MMP20: variants seen among roughly 807,000 people sequenced by gnomAD.
MMP20 encodes the protein matrix metalloproteinase-20.
In MMP20, 50 loss-of-function variants were observed where a neutral mutation model predicts 51.8. The observed-to-expected ratio is 0.97, with a 90% CI of 0.77 to 1.22. The LOEUF is 1.22. MMP20 is among the 50% of genes most tolerant of loss of function. The pLI, the probability that MMP20 is intolerant of heterozygous loss-of-function variation, is 0.00. For missense variants in MMP20, 663 were observed against 601.4 expected (o/e 1.10, Z -1.07); for synonymous variants, 244 against 216.2 (o/e 1.13, Z -1.13).
intron 2 of MMP20, among the ~76,000 whole-genome samples, chr11:102,614,122 C>T (rs1291450629): frequency 6.6e-6 from 1 of 152,202 alleles, no homozygotes; most frequent in Admixed American, 6.5e-5. Context: ...ATCTAATCCT[C>T]ACTTCGACCC....
intron 8 of MMP20, among the ~76,000 whole-genome samples, chr11:102,587,866 T>C (rs1859272143): frequency 6.6e-6 from 1 of 152,168 alleles, no homozygotes; most frequent in South Asian, 2.1e-4. Flanking sequence ...GTAGACAGCA[T>C]ATAGGTGGGT....
intron 1 of MMP20, among the ~76,000 whole-genome samples, chr11:102,618,015 G>T (rs1379359552): frequency 6.6e-6 from 1 of 152,076 alleles, no homozygotes; most frequent in African/African-American, 2.4e-5. Context: ...ATATAAAATG[G>T]CATAATATTT....
rs192097713 is a variant in MMP20 at position 102,595,901 on chromosome 11, C to A, written c.954-1144G>T. ...ATTACTTCACAGGATTATTTGGGGACTGGGAAACTGTAATAAAATTTTGAC... is the reference window on the plus strand; with the variant it reads ...ATTACTTCACAGGATTATTTGGGGAATGGGAAACTGTAATAAAATTTTGAC... On this transcript the variant is annotated intron_variant, in intron 6 of 9. Transcript: ENST00000260228. Among the ~76,000 whole-genome samples the A allele has an allele frequency of 1.4e-3, 209 of 152,288 alleles. 1 individual carries two copies. Among genetic ancestry groups the A allele is most frequent in the Admixed American group, 2.0e-3 (31 of 15,298 alleles).
At position 102,608,919 on chromosome 11, in the gene MMP20, AG is replaced by A; in HGVS notation, c.811+17del. On this transcript the variant is annotated intron_variant, in intron 5 of 9. Coordinates refer to ENST00000260228, the MANE Select transcript of MMP20 (RefSeq NM_004771.4). ...TGCCAATTTCAGGGTGAGTCATCAAAGAAGGTAATAATCTTACCGTATAATG... is the reference window on the plus strand; with the variant it reads ...TGCCAATTTCAGGGTGAGTCATCAAAAAGGTAATAATCTTACCGTATAATG... 1.2e-6 allele frequency: 2 copies of A among 1,613,538 alleles called. No individual in the cohort carries two copies. Among genetic ancestry groups the A allele is most frequent in the South Asian group, 2.2e-5 (2 of 91,056 alleles).
In MMP20 at chr11:102,616,804, C is replaced by A; in HGVS notation, c.374+8G>T. On this transcript the variant is annotated splice_region_variant and intron_variant, in intron 2 of 9. Transcript: ENST00000260228. Reference sequence around the variant, plus strand: ...TTCTCTGAATTTGGAAAGACTTGATCTCATTACCTGTATGTCAAAGTATTT... The same window carrying A: ...TTCTCTGAATTTGGAAAGACTTGATATCATTACCTGTATGTCAAAGTATTT... 6.2e-7 allele frequency: 1 copy of A among 1,614,122 alleles called. No individual in the cohort carries two copies. Among genetic ancestry groups the A allele is most frequent in the South Asian group, 1.1e-5 (1 of 91,066 alleles).
intron 4 of MMP20, among the ~76,000 whole-genome samples, chr11:102,609,414 T>C (rs190918163): frequency 6.6e-6 from 1 of 152,298 alleles, no homozygotes; most frequent in East Asian, 1.9e-4. Context: ...TTGGCAATAA[T>C]TCATAAATTT....
At chr11:102,597,585 T>G (rs2135935698) in intron 6 of MMP20, among the ~76,000 whole-genome samples, 1 of 152,234 alleles carries the variant, frequency 6.6e-6, no homozygotes, top group African/African-American at 2.4e-5. Flanking sequence ...GGGATGCCAC[T>G]AAACATCCTA....
intron 6 of MMP20, among the ~76,000 whole-genome samples, chr11:102,599,437 G>T (rs1406119813): frequency 6.6e-6 from 1 of 152,182 alleles, no homozygotes; most frequent in African/African-American, 2.4e-5. Context: ...GTGTGACCTC[G>T]TGTGAGTCAT....
chr11:102,604,837 A>C (rs1254944182), intron 6 of MMP20, among the ~76,000 whole-genome samples: 1 of 152,240 alleles, frequency 6.6e-6, no homozygotes, highest in African/African-American at 2.4e-5. Context: ...AAAGTTTATA[A>C]ATCAACACCA....
chr11:102,607,323 C>T (rs1184891185), intron 5 of MMP20: 1 of 159,992 alleles, frequency 6.3e-6, no homozygotes, highest in Non-Finnish European at 1.4e-5. Context: ...CGAGAGCTAT[C>T]AGTGAGTCTC....
At chr11:102,613,766 T>G (rs1019919846) in intron 2 of MMP20, among the ~76,000 whole-genome samples, 2 of 152,140 alleles carry the variant, frequency 1.3e-5, no homozygotes, top group Non-Finnish European at 2.9e-5. Context: ...GCTATAGAAT[T>G]GAAGGGGGAT....
rs1294064157 is a variant in MMP20, at chr11:102,616,911, A to C, written c.275T>G (p.Met92Arg). The C allele has an allele frequency of 6.2e-7, 1 of 1,614,208 alleles. No individual in the cohort carries two copies. The highest frequency in any genetic ancestry group is 2.2e-5 in the East Asian group (1 of 44,890). The part of the protein sequence containing the change: ...QVTGKLDQTT[M>R]NVIKKPRCGV... ...ACAGCGAGGCTTCTTGATCACGTTC[A>C]TTGTGGTCTGGTCTAACTTCCCGGT... The change falls in exon 2 of 10, where the codon ATG becomes AGG. Residue 92 changes from methionine (M) to arginine (R), a missense_variant. Physicochemically the swap from Met to Arg is moderately conservative, Grantham distance 91. Coordinates refer to ENST00000260228, the MANE Select transcript of MMP20 (RefSeq NM_004771.4).
chr11:102,622,133 A>G (rs1859758880), intron 1 of MMP20, among the ~76,000 whole-genome samples: 1 of 152,250 alleles, frequency 6.6e-6, no homozygotes, highest in South Asian at 2.1e-4. Context: ...ACACAAGTGG[A>G]CATTAAATAA....
At chr11:102,594,332 G>C (rs1398416035) in intron 7 of MMP20, among the ~76,000 whole-genome samples, 1 of 152,232 alleles carries the variant, frequency 6.6e-6, no homozygotes, top group Non-Finnish European at 1.5e-5. Context: ...ACTCTGAGCA[G>C]AGGTCCTGTG....
At chr11:102,594,045 G>A (rs1784439) in intron 7 of MMP20, among the ~76,000 whole-genome samples, 78,152 of 151,922 alleles carry the variant, frequency 0.51, 20,633 homozygotes, top group South Asian at 0.67. Flanking sequence ...CCATTGGCTC[G>A]CCATTGTCAC....
intron 8 of MMP20, 29 bp from the exon 9 acceptor site, chr11:102,579,171 A>AC: frequency 6.6e-7 from 1 of 1,512,658 alleles, no homozygotes; most frequent in Non-Finnish European, 9.2e-7. Flanking sequence ...CATAAATAAT[A>AC]TTACTAAGAG....
At chr11:102,590,404 C>T (rs765658620) in intron 8 of MMP20, among the ~76,000 whole-genome samples, 12 of 152,148 alleles carry the variant, frequency 7.9e-5, no homozygotes, top group Non-Finnish European at 1.5e-4. Context: ...GTCCTCTGTG[C>T]GCTGCTCCCC....
At chr11:102,595,785 G>C (rs1859373952) in intron 6 of MMP20, among the ~76,000 whole-genome samples, 1 of 152,266 alleles carries the variant, frequency 6.6e-6, no homozygotes, top group Middle Eastern at 3.4e-3. Flanking sequence ...GATTGAAACT[G>C]ACAATGTAAT....
intron 8 of MMP20, among the ~76,000 whole-genome samples, chr11:102,580,491 T>C (rs1414343986): frequency 1.3e-5 from 2 of 152,172 alleles, no homozygotes. Context: ...GATAACTCTC[T>C]AGTGATGTTG....
Sources: allele counts gnomAD v4.1 joint callset (sites outside exome capture counted in the v4.1 genomes callset), GRCh38; gene constraint gnomAD v4.1.1; transcripts MANE v1.5; gene names NCBI Gene and HGNC (gene_info 2026-07-23, HGNC 2026-07-21).